The following ANO9 variants were observed in gnomAD, a reference collection of about 807,000 sequenced individuals.
ANO9 encodes anoctamin-9.
In ANO9, 80 loss-of-function variants were observed where a neutral mutation model predicts 100.5. That is an observed-to-expected ratio of 0.80 (90% CI 0.66 to 0.96). The LOEUF is 0.96. Among genes scored for constraint, ANO9 ranks in the 40% least tolerant of loss-of-function variants. The probability of loss-of-function intolerance (pLI) is 0.00; values close to 1 mark genes in which losing one functional copy is unlikely to be tolerated. For synonymous variants in ANO9, 473 were observed against 435.6 expected, an observed-to-expected ratio of 1.09 and a Z score of -1.07; for missense variants, 1,064 against 1,072.7, an observed-to-expected ratio of 0.99 and a Z score of 0.11.
At position 432,968 on chromosome 11, in the gene ANO9, G is replaced by T; in HGVS notation, c.350+346C>A. Reference sequence around the variant, plus strand: ...AAGGGGCATCGGAACTGGAGAGGAGGGGTCTTCAAGAGACACTGGCCTTGA... The same window carrying T: ...AAGGGGCATCGGAACTGGAGAGGAGTGGTCTTCAAGAGACACTGGCCTTGA... On this transcript the variant is annotated intron_variant, in intron 4 of 22. Coordinates refer to ENST00000332826, the MANE Select transcript of ANO9 (RefSeq NM_001012302.3). This position sits in a 1 kb window ranked among gnomAD's most constrained non-coding sequence, Gnocchi z 4.8. 1 of 275,048 alleles carries T rather than the reference G, an allele frequency of 3.6e-6. No individual in the cohort carries two copies. The highest frequency in any genetic ancestry group is 7.3e-5 in the East Asian group (1 of 13,688). The allele number at this position is 275,048 out of a possible 1,614,324, so 17.0% of individuals were successfully genotyped here. A position where few individuals can be genotyped will look rare whatever the true frequency, so the allele number is the denominator to read the frequency against.
At chr11:438,509 A>G (rs1845564434) in intron 1 of ANO9, among the ~76,000 whole-genome samples, 1 of 150,302 alleles carries the variant, frequency 6.7e-6, no homozygotes, top group Non-Finnish European at 1.5e-5. Flanking sequence ...ACAGCCAGAC[A>G]GGCCTCAGGC....
chr11:436,656 GGTGAGCAGGGA>G (rs1564934651), intron 1 of ANO9, among the ~76,000 whole-genome samples: 4 of 146,066 alleles, frequency 2.7e-5, no homozygotes, highest in Non-Finnish European at 4.5e-5. Context: ...GTGAGCAGGG[GGTGAGCAGGGA>G]GTGAGCAGGG....
At chr11:435,258 GGTATA>G (rs201835812) in intron 1 of ANO9, among the ~76,000 whole-genome samples, 3 of 81,860 alleles carry the variant, frequency 3.7e-5, no homozygotes, top group Admixed American at 1.2e-4. Flanking sequence ...AGTCTAGTAT[GGTATA>G]GTCTAGTCTA....
Position 433,514 on chromosome 11 carries a change from G to GCCTCAGAACCCTCCCCGCTCTATTCCA in ANO9, c.205-56_205-55insTGGAATAGAGCGGGGAGGGTTCTGAGG, listed in dbSNP as rs1849195280. 8 of 1,549,158 alleles carry GCCTCAGAACCCTCCCCGCTCTATTCCA rather than the reference G, an allele frequency of 5.2e-6. No homozygotes were observed. In the African/African-American group the frequency reaches 1.2e-4, roughly 23 times the overall value. ...CTCAGAACCCTCCCCGCTCTATCCC[G>GCCTCAGAACCCTCCCCGCTCTATTCCA]CCTCAGAACCCTCCCCCCTCTATTC... On this transcript the variant is annotated intron_variant, in intron 3 of 22. Coordinates refer to ENST00000332826, the MANE Select transcript of ANO9 (RefSeq NM_001012302.3).
Position 420,555 on chromosome 11 carries a change from G to C in ANO9, c.1694C>G (p.Ala565Gly). Residue 565 changes from alanine (A) to glycine (G), a missense_variant, in exon 19 of 23, where the codon GCG (alanine) becomes GGG (glycine). By Grantham distance (60) the Ala-to-Gly change is moderately conservative (BLOSUM62 0). Coordinates refer to ENST00000332826, the MANE Select transcript of ANO9 (RefSeq NM_001012302.3). ...GATCTCCACGAGGTTGCTGAAGAGC[G>C]CGAGCAGCGGCGCCAGCGGGAAGGC... ...VAAFPLAPLLALFSNLVEIRL... is the reference protein window; with the variant it reads ...VAAFPLAPLLGLFSNLVEIRL... 6.2e-7 allele frequency: 1 copy of C among 1,605,518 alleles called. No homozygotes were observed. Among genetic ancestry groups the C allele is most frequent in the Non-Finnish European group, 8.5e-7 (1 of 1,179,542 alleles).
rs1269612188 is a variant in ANO9 at position 421,206 on chromosome 11, G to A, written c.1335-8C>T. 3.3e-6 allele frequency: 5 copies of A among 1,536,294 alleles called. No individual in the cohort carries two copies. In the East Asian group the frequency reaches 9.2e-5, roughly 28 times the overall value. ...CCGGGGTGGCCGTTGATCCTGGGGA[G>A]GAAGGGGAAGTCTGGGGCACTGCGG... On this transcript the variant is annotated splice_region_variant and splice_polypyrimidine_tract_variant and intron_variant, in intron 15 of 22. Transcript: ENST00000332826. The surrounding 1 kb of genome is among the most constrained non-coding windows in gnomAD (Gnocchi z 6.8).
intron 20 of ANO9, 24 bp from the exon 21 acceptor site, chr11:419,013 G>A: frequency 1.2e-6 from 2 of 1,612,346 alleles, no homozygotes; most frequent in South Asian, 2.2e-5. Flanking sequence ...AGAGGAGTGT[G>A]GGGTGGGGTG....
chr11:429,972 G>A, intron 9 of ANO9, 111 bp downstream of exon 9: 1 of 1,388,416 alleles, frequency 7.2e-7, no homozygotes, highest in Non-Finnish European at 9.9e-7. Context: ...TCAGCCCTGT[G>A]GGGAAAGCTG....
Position 432,223 on chromosome 11 carries a change from C to T in ANO9, c.351-169G>A. 1 of 679,812 alleles carries T rather than the reference C, an allele frequency of 1.5e-6. No homozygotes were observed. The highest frequency in any genetic ancestry group is 2.5e-6 in the Non-Finnish European group (1 of 404,878). The allele number at this position is 679,812 out of a possible 1,614,324, so 42.1% of individuals were successfully genotyped here. On this transcript the variant is annotated intron_variant, in intron 4 of 22. Coordinates refer to ENST00000332826, the MANE Select transcript of ANO9 (RefSeq NM_001012302.3). The surrounding 1 kb of genome is among the most constrained non-coding windows in gnomAD (Gnocchi z 4.8). ...ATCCACAACTCACCCGGGAGCCCAC[C>T]CCGCACCCTCCTTAAAGTGCTCCCA...
chr11:421,300 G>A lies in ANO9; in HGVS notation c.1335-102C>T, dbSNP rs1370877659. The A allele has an allele frequency of 7.8e-7, 1 of 1,288,960 alleles. No individual in the cohort carries two copies. The highest frequency in any genetic ancestry group is 1.6e-5 in the South Asian group (1 of 62,596). The allele number at this position is 1,288,960 out of a possible 1,614,324, so 79.8% of individuals were successfully genotyped here. ...CGGGTAGGAAAGACACAGAACAGGCGGGGCAGGCCCTGCAGGTGAGCGGGG... is the reference window on the plus strand; with the variant it reads ...CGGGTAGGAAAGACACAGAACAGGCAGGGCAGGCCCTGCAGGTGAGCGGGG... On this transcript the variant is annotated intron_variant, in intron 15 of 22. Transcript: ENST00000332826. This position sits in a 1 kb window ranked among gnomAD's most constrained non-coding sequence, Gnocchi z 6.8.
At chr11:437,171 C>T (rs976901068) in intron 1 of ANO9, among the ~76,000 whole-genome samples, 16 of 151,942 alleles carry the variant, frequency 1.1e-4, no homozygotes, top group Admixed American at 9.8e-4. Flanking sequence ...GCAGGGATCT[C>T]GGCTGCTCCT....
intron 1 of ANO9, among the ~76,000 whole-genome samples, chr11:436,072 T>A (rs1473831299): frequency 1.6e-4 from 23 of 143,580 alleles, no homozygotes; most frequent in African/African-American, 5.4e-4. Flanking sequence ...CCTTTTTTTT[T>A]TTTTTTTTTT....
chr11:430,335 G>C lies in ANO9; in HGVS notation c.608C>G (p.Pro203Arg). 6.2e-7 allele frequency: 1 copy of C among 1,610,112 alleles called. No individual in the cohort carries two copies. Among genetic ancestry groups the C allele is most frequent in the South Asian group, 1.1e-5 (1 of 90,682 alleles). Residue 203 changes from proline to arginine, a missense_variant, in exon 8 of 23, where the codon CCG becomes CGG. Coordinates refer to ENST00000332826, the MANE Select transcript of ANO9 (RefSeq NM_001012302.3). ...GACTAAGAGGCCCGTCAGGGCGGCC[G>C]GCACCAGCATGTAGGTGTACCAGCC... The part of the protein sequence containing the change: ...WLGWYTYMLV[P>R]AALTGLLVFL...
rs1181156702 is a variant in ANO9, at chr11:421,441, G to A, written c.1335-243C>T. Among the ~76,000 whole-genome samples the A allele has an allele frequency of 4.0e-5, 5 of 124,096 alleles. 1 individual carries two copies. Among genetic ancestry groups the A allele is most frequent in the African/African-American group, 6.2e-5 (2 of 32,156 alleles). The allele number at this position is 124,096 out of a possible 152,430, so 81.4% of individuals were successfully genotyped here. Reference sequence around the variant, plus strand: ...GAACCGCACCCACACGTGGGCGCGCGCACACACACACACACCCCCACACAG... The same window carrying A: ...GAACCGCACCCACACGTGGGCGCGCACACACACACACACACCCCCACACAG... On this transcript the variant is annotated intron_variant, in intron 15 of 22. Transcript: ENST00000332826. This position sits in a 1 kb window ranked among gnomAD's most constrained non-coding sequence, Gnocchi z 6.8.
chr11:427,829 C>T (rs1848611471), intron 15 of ANO9, among the ~76,000 whole-genome samples: 1 of 150,968 alleles, frequency 6.6e-6, no homozygotes, highest in Non-Finnish European at 1.5e-5. Flanking sequence ...AGGACAAAGC[C>T]ATTTCTGCCA....
chr11:436,559 G>A (rs796277325), intron 1 of ANO9, among the ~76,000 whole-genome samples: 10 of 150,536 alleles, frequency 6.6e-5, no homozygotes, highest in African/African-American at 2.2e-4. Flanking sequence ...CAGGGGGTTG[G>A]TCCACGGCTA....
chr11:430,142 GAC>G lies in ANO9; in HGVS notation c.710_711del (p.Cys237SerfsTer26). The G allele has an allele frequency of 1.9e-6, 3 of 1,553,782 alleles. No homozygotes were observed. The highest frequency in any genetic ancestry group is 2.6e-6 in the Non-Finnish European group (3 of 1,149,198). Reference sequence around the variant, plus strand: ...TACCTGCGGCTGTGGTCGCCGAGGGGACACATGAGGATGTCGTGGGCCTCACA... The same window carrying G: ...TACCTGCGGCTGTGGTCGCCGAGGGGACATGAGGATGTCGTGGGCCTCACA... ...EICEAHDILMCPLGDHSRRYQ... is the reference protein window; with the variant it reads ...EICEAHDILMXPLGDHSRRYQ... On this transcript the variant is annotated frameshift_variant, in exon 9 of 23. Transcript: ENST00000332826. LOFTEE classifies it high-confidence loss of function.
At chr11:439,941 G>A (rs925623670) in intron 1 of ANO9, among the ~76,000 whole-genome samples, 1 of 152,250 alleles carries the variant, frequency 6.6e-6, no homozygotes, top group African/African-American at 2.4e-5. Context: ...CAGGCAGTGC[G>A]TGGCGTTCGT....
Position 418,494 on chromosome 11 carries a change from C to T in ANO9, c.2226G>A (p.Arg742=). Residue 742 remains arginine (R), a synonymous_variant, in exon 23 of 23, where the codon AGG becomes AGA. Coordinates refer to ENST00000332826, the MANE Select transcript of ANO9 (RefSeq NM_001012302.3). ...KNKVLEVKYQ[R]LREKMWHGRQ... ...TTCCATGCCACATCTTCTCACGCAG[C>T]CTCTGGTACTTCACCTCCAGAACCT... The T allele has an allele frequency of 3.7e-6, 6 of 1,613,172 alleles. No homozygotes were observed. The highest frequency in any genetic ancestry group is 4.2e-6 in the Non-Finnish European group (5 of 1,179,996).
Sources: allele counts gnomAD v4.1 joint callset (sites outside exome capture counted in the v4.1 genomes callset), GRCh38; gene constraint gnomAD v4.1.1; non-coding constraint Gnocchi (gnomAD v3.1); transcripts MANE v1.5; gene names NCBI Gene and HGNC (gene_info 2026-07-23, HGNC 2026-07-21).